EXOC6: variants seen among roughly 807,000 people sequenced by gnomAD.
EXOC6 encodes the protein SEC15-like 1.
Under a neutral mutation model 112.5 loss-of-function variants are expected in EXOC6, and 60 were observed. That is an observed-to-expected ratio of 0.53 (90% CI 0.43 to 0.66). The LOEUF (loss-of-function observed/expected upper bound fraction) is 0.66, where lower values mean the gene tolerates loss of function less well. EXOC6 is among the 30% of genes least tolerant of loss of function. The probability of loss-of-function intolerance (pLI) is 0.00; values close to 1 mark genes in which losing one functional copy is unlikely to be tolerated. For synonymous variants in EXOC6, 295 were observed against 308.0 expected (o/e 0.96, Z 0.44); for missense variants, 855 against 957.1 (o/e 0.89, Z 1.41).
intron 1 of EXOC6, among the ~76,000 whole-genome samples, chr10:92,868,780 C>A (rs1362350946): frequency 6.7e-6 from 1 of 149,834 alleles, no homozygotes; most frequent in East Asian, 1.9e-4. Context: ...GCCCTCCCTT[C>A]CTTCCTCCCT....
At chr10:92,894,617 A>AC (rs932770453) in intron 2 of EXOC6, among the ~76,000 whole-genome samples, 177 bp from the exon 3 acceptor site, 3 of 152,206 alleles carry the variant, frequency 2.0e-5, no homozygotes, top group Non-Finnish European at 4.4e-5. Flanking sequence ...TAAGTAATTG[A>AC]AGTTAACAAA....
intron 19 of EXOC6, among the ~76,000 whole-genome samples, chr10:92,999,919 G>T (rs2134187318): frequency 6.6e-6 from 1 of 152,116 alleles, no homozygotes; most frequent in South Asian, 2.1e-4. Flanking sequence ...GGCCAGGCTG[G>T]TCTCAAACTC....
rs549591494 is a variant in EXOC6, at chr10:92,898,687, T to C, written c.413-912T>C. 2.0e-4 allele frequency among the ~76,000 whole-genome samples: 31 copies of C among 152,208 alleles called. 2 individuals are homozygous for C. In the South Asian group the frequency reaches 3.9e-3, roughly 19 times the overall value. On this transcript the variant is annotated intron_variant, in intron 4 of 21. Transcript: ENST00000260762. The stretch of plus-strand genomic sequence containing the variant: ...TTACATTACAATATAGAGGCTATGA[T>C]AGAGAGATATACATAGGGTCCTGTG...
chr10:92,949,087 A>G (rs1589891504), intron 14 of EXOC6, among the ~76,000 whole-genome samples: 1 of 152,126 alleles, frequency 6.6e-6, no homozygotes, highest in African/African-American at 2.4e-5. Flanking sequence ...TTAGAAAAGG[A>G]TGTCATTTTA....
At chr10:92,978,279 G>A (rs562033318) in intron 18 of EXOC6, among the ~76,000 whole-genome samples, 4 of 152,006 alleles carry the variant, frequency 2.6e-5, no homozygotes, top group Non-Finnish European at 2.9e-5. Flanking sequence ...GCATGGTGGC[G>A]TGTACCTTTA....
intron 5 of EXOC6, among the ~76,000 whole-genome samples, chr10:92,905,346 A>C (rs1488949829): frequency 6.6e-6 from 1 of 152,038 alleles, no homozygotes; most frequent in African/African-American, 2.4e-5. Flanking sequence ...ATTGCATTGA[A>C]TCTGTAGATC....
chr10:92,878,528 G>A (rs376932256), intron 1 of EXOC6, among the ~76,000 whole-genome samples: 15 of 152,192 alleles, frequency 9.9e-5, no homozygotes, highest in South Asian at 6.2e-4. Context: ...AGTGATACGC[G>A]TGCCCATCTG....
intron 1 of EXOC6, among the ~76,000 whole-genome samples, chr10:92,878,637 C>T (rs1258683257): frequency 2.0e-5 from 3 of 152,092 alleles, no homozygotes; most frequent in Non-Finnish European, 4.4e-5. Context: ...GTTGCTTCTT[C>T]CTGGGGGTGC....
At chr10:92,964,017 T>A (rs1044184524) in intron 17 of EXOC6, among the ~76,000 whole-genome samples, 19 of 151,138 alleles carry the variant, frequency 1.3e-4, no homozygotes, top group Admixed American at 1.2e-3. Flanking sequence ...AAAAAAAAAA[T>A]CACAGTAATA....
chr10:92,916,084 G>A, intron 7 of EXOC6, 171 bp downstream of exon 7: 1 of 461,888 alleles, frequency 2.2e-6, no homozygotes, highest in Admixed American at 4.8e-5. Context: ...TGGAGGCTGA[G>A]AAGGCCGTGA....
At chr10:92,852,922 A>G (rs1847420506) in intron 1 of EXOC6, among the ~76,000 whole-genome samples, 1 of 152,148 alleles carries the variant, frequency 6.6e-6, no homozygotes, top group South Asian at 2.1e-4. Context: ...AGGCCGGTAT[A>G]ATAAGACCAT....
intron 1 of EXOC6, among the ~76,000 whole-genome samples, chr10:92,862,617 A>G (rs902552108): frequency 2.0e-5 from 3 of 152,158 alleles, no homozygotes; most frequent in African/African-American, 7.2e-5. Context: ...TGTTGTCTGT[A>G]AGCTACCCAG....
intron 19 of EXOC6, among the ~76,000 whole-genome samples, chr10:93,004,632 A>G (rs1843896474): frequency 6.6e-6 from 1 of 151,886 alleles, no homozygotes; most frequent in South Asian, 2.1e-4. Flanking sequence ...TTTTCTTTGG[A>G]TCTTTTCCTG....
chr10:92,883,155 C>T (rs1234928844), intron 1 of EXOC6, among the ~76,000 whole-genome samples: 1 of 152,162 alleles, frequency 6.6e-6, no homozygotes, highest in African/African-American at 2.4e-5. Context: ...CAAATCTTGG[C>T]TTTAAATCAA....
chr10:92,926,657 T>A (rs1333181227), intron 8 of EXOC6, among the ~76,000 whole-genome samples: 1 of 151,992 alleles, frequency 6.6e-6, no homozygotes, highest in African/African-American at 2.4e-5. Context: ...TCTCAGCCGC[T>A]TGAGTAGTTG....
intron 13 of EXOC6, among the ~76,000 whole-genome samples, chr10:92,945,849 A>G (rs562481619): frequency 1.1e-4 from 16 of 152,314 alleles, no homozygotes; most frequent in African/African-American, 3.8e-4. Context: ...TTAACGTTTT[A>G]CTTTATTTTT....
chr10:92,978,784 A>G (rs983654567), intron 18 of EXOC6, among the ~76,000 whole-genome samples: 1 of 152,222 alleles, frequency 6.6e-6, no homozygotes, highest in Non-Finnish European at 1.5e-5. Flanking sequence ...TTAACCCTCA[A>G]AGAAGCTTCA....
chr10:92,980,511 A>G (rs201463343), intron 18 of EXOC6, among the ~76,000 whole-genome samples: 1 of 151,870 alleles, frequency 6.6e-6, no homozygotes, highest in African/African-American at 2.4e-5. Context: ...TTTTCTTGTT[A>G]TATTTATGCC....
upstream of EXOC6, among the ~76,000 whole-genome samples, chr10:92,830,395 T>A (rs2133560249): frequency 6.6e-6 from 1 of 152,228 alleles, no homozygotes; most frequent in Non-Finnish European, 1.5e-5. Flanking sequence ...AGCAGACTAA[T>A]GGGACAGTGA....
Sources: gnomAD v4.1 joint callset for allele counts (sites outside exome capture counted in the v4.1 genomes callset) on GRCh38, gnomAD v4.1.1 for gene constraint, MANE v1.5 for transcripts, NCBI Gene and HGNC (gene_info 2026-07-23, HGNC 2026-07-21) for gene names.